SIPA1L1: variants seen among roughly 807,000 people sequenced by gnomAD.
The protein encoded by SIPA1L1 is signal induced proliferation associated 1 like 1.
A neutral mutation model predicts 162.7 loss-of-function variants in SIPA1L1; 26 were observed. The ratio of observed to expected loss-of-function variants is 0.16; its 90% CI spans 0.12 to 0.22. The LOEUF is 0.22. SIPA1L1 is among the 10% of genes least tolerant of loss of function. The pLI is 1.00. For missense variants in SIPA1L1, 1,874 were observed against 2,241.0 expected (o/e 0.84, Z 3.31); for synonymous variants, 829 against 837.4 (o/e 0.99, Z 0.17).
chr14:71,708,678 G>A (rs1786296920), intron 16 of SIPA1L1, among the ~76,000 whole-genome samples: 1 of 152,100 alleles, frequency 6.6e-6, no homozygotes, highest in South Asian at 2.1e-4. Context: ...ATCATTTCAT[G>A]ATAAACCTAA....
chr14:71,727,232 C>G (rs2084327436), intron 19 of SIPA1L1, among the ~76,000 whole-genome samples: 1 of 152,036 alleles, frequency 6.6e-6, no homozygotes, highest in Admixed American at 6.6e-5. Flanking sequence ...AAGGAGGTGG[C>G]TTCGTGTGGC....
intron 13 of SIPA1L1, among the ~76,000 whole-genome samples, chr14:71,693,701 G>A (rs2149698838): frequency 6.6e-6 from 1 of 151,532 alleles, no homozygotes; most frequent in South Asian, 2.1e-4. Flanking sequence ...AATTGTTGTA[G>A]AGATTTTTCT....
At chr14:71,569,592 A>C (rs1305607663) in intron 4 of SIPA1L1, among the ~76,000 whole-genome samples, 6 of 152,230 alleles carry the variant, frequency 3.9e-5, no homozygotes, top group African/African-American at 1.4e-4. Flanking sequence ...TAGAAGGGGA[A>C]ACCCTCTGTC....
intron 2 of SIPA1L1, among the ~76,000 whole-genome samples, chr14:71,396,148 A>C (rs961385227): frequency 6.6e-6 from 1 of 152,114 alleles, no homozygotes; most frequent in African/African-American, 2.4e-5. Context: ...TCCGCCATCT[A>C]GCCACTTATC....
intron 2 of SIPA1L1, among the ~76,000 whole-genome samples, chr14:71,420,445 T>C (rs147837815): frequency 6.6e-6 from 1 of 152,330 alleles, no homozygotes; most frequent in African/African-American, 2.4e-5. Context: ...TAACATTTGG[T>C]TTTTTAGGTA....
chr14:71,537,428 C>T (rs546886298), intron 4 of SIPA1L1, among the ~76,000 whole-genome samples: 12 of 152,234 alleles, frequency 7.9e-5, no homozygotes, highest in Admixed American at 7.8e-4. Flanking sequence ...TGGTCTCGGA[C>T]TCCTGACCTC....
At chr14:71,436,966 G>A (rs2044434932) in intron 2 of SIPA1L1, among the ~76,000 whole-genome samples, 3 of 151,574 alleles carry the variant, frequency 2.0e-5, no homozygotes, top group South Asian at 2.1e-4. Context: ...GGGTTTCACC[G>A]TCTTAGACAG....
At chr14:71,598,010 A>T (rs776887293) in intron 5 of SIPA1L1, among the ~76,000 whole-genome samples, 9 of 152,244 alleles carry the variant, frequency 5.9e-5, no homozygotes, top group African/African-American at 2.2e-4. Context: ...TGAGGAGCCA[A>T]TATGTCTTGT....
At chr14:71,469,887 C>T (rs377197775) in intron 2 of SIPA1L1, among the ~76,000 whole-genome samples, 195 of 152,216 alleles carry the variant, frequency 1.3e-3, no homozygotes, top group African/African-American at 4.3e-3. Flanking sequence ...CCGTCATAAC[C>T]AGGAGGATGG....
intron 15 of SIPA1L1, among the ~76,000 whole-genome samples, chr14:71,703,817 G>A (rs906618443): frequency 6.6e-6 from 1 of 152,166 alleles, no homozygotes; most frequent in Non-Finnish European, 1.5e-5. Context: ...AGAAGGGATG[G>A]AAAGGGTAAT....
At chr14:71,732,007 C>A (rs906924071) in intron 20 of SIPA1L1, among the ~76,000 whole-genome samples, 4 of 152,192 alleles carry the variant, frequency 2.6e-5, no homozygotes, top group African/African-American at 7.2e-5. Flanking sequence ...GATAAAAGGG[C>A]AGAAGGGTTG....
intron 2 of SIPA1L1, among the ~76,000 whole-genome samples, chr14:71,483,475 C>T (rs544372448): frequency 1.2e-3 from 187 of 152,292 alleles, no homozygotes; most frequent in Non-Finnish European, 1.9e-3. Context: ...TTCTATTCTT[C>T]TGGAGCCACT....
intron 5 of SIPA1L1, among the ~76,000 whole-genome samples, chr14:71,590,358 G>A (rs558022227): frequency 7.2e-5 from 11 of 152,076 alleles, no homozygotes; most frequent in Admixed American, 4.6e-4. Context: ...GGCCTGTGGC[G>A]AGAGGCTCCC....
In SIPA1L1 at chr14:71,472,991, G is replaced by A. The variant is rs148510401; in HGVS notation, c.-464-39752G>A. Among the ~76,000 whole-genome samples the A allele has an allele frequency of 2.6e-4, 40 of 151,924 alleles. No individual in the cohort carries two copies. In the East Asian group the frequency reaches 6.6e-3, roughly 25 times the overall value. Reference sequence around the variant, plus strand: ...TTTCTGAGTAGCTGGGACTATAGGCGTTAGCCACAGCACCTGGCTTAATTT... The same window carrying A: ...TTTCTGAGTAGCTGGGACTATAGGCATTAGCCACAGCACCTGGCTTAATTT... On this transcript the variant is annotated intron_variant, in intron 2 of 23. Coordinates refer to ENST00000381232, the MANE Select transcript of SIPA1L1 (RefSeq NM_001386936.1).
At chr14:71,591,089 A>G (rs765195930) in intron 5 of SIPA1L1, among the ~76,000 whole-genome samples, 11 of 152,184 alleles carry the variant, frequency 7.2e-5, no homozygotes, top group Non-Finnish European at 1.3e-4. Flanking sequence ...CAAAACTGAC[A>G]CTGAAACATA....
At chr14:71,513,784 T>C (rs951511237) in intron 3 of SIPA1L1, among the ~76,000 whole-genome samples, 1 of 152,188 alleles carries the variant, frequency 6.6e-6, no homozygotes, top group African/African-American at 2.4e-5. Context: ...CTACTGAGAC[T>C]GGCCTGACTG....
intron 19 of SIPA1L1, among the ~76,000 whole-genome samples, chr14:71,729,616 A>G (rs1463050240): frequency 2.0e-5 from 3 of 152,132 alleles, no homozygotes; most frequent in Non-Finnish European, 2.9e-5. Flanking sequence ...GACACCTGCC[A>G]TTGTGCTCAG....
At chr14:71,335,076 G>A (rs990935620) in intron 2 of SIPA1L1, among the ~76,000 whole-genome samples, 3 of 152,134 alleles carry the variant, frequency 2.0e-5, no homozygotes, top group Non-Finnish European at 2.9e-5. Context: ...TGAGGCGGGC[G>A]GATCACGAGC....
chr14:71,328,668 T>A (rs1012474153), intron 2 of SIPA1L1, among the ~76,000 whole-genome samples: 2 of 152,130 alleles, frequency 1.3e-5, no homozygotes, highest in African/African-American at 4.8e-5. Flanking sequence ...TTGGAATAAC[T>A]CCTCAAATGA....
Sources: allele counts gnomAD v4.1 joint callset (sites outside exome capture counted in the v4.1 genomes callset), GRCh38; gene constraint gnomAD v4.1.1; transcripts MANE v1.5; gene names NCBI Gene and HGNC (gene_info 2026-07-23, HGNC 2026-07-21).